The following SH2D1B variants were observed in gnomAD, a reference collection of about 807,000 sequenced individuals.
SH2D1B encodes the protein SH2 domain-containing protein 1B.
SH2D1B carries 11 observed loss-of-function variants against 16.3 expected under a neutral mutation model. That is an observed-to-expected ratio of 0.67 (90% CI 0.42 to 1.11). The LOEUF is 1.11. Ranked by LOEUF, SH2D1B falls within the 50% of genes most tolerant of loss-of-function variation. The pLI is 0.00. For synonymous variants in SH2D1B, 55 were observed against 56.1 expected (o/e 0.98, Z 0.09); for missense variants, 123 against 153.1 (o/e 0.80, Z 1.04).
In SH2D1B at chr1:162,395,559, A is replaced by G. The variant is rs1648354494; in HGVS notation, c.*1721T>C. 6.6e-6 allele frequency: 1 copy of G among 152,218 alleles called. No individual in the cohort carries two copies. The highest frequency in any genetic ancestry group is 1.5e-5 in the Non-Finnish European group (1 of 68,028). The allele number at this position is 152,218 out of a possible 1,614,324, so 9.4% of individuals were successfully genotyped here. A position where few individuals can be genotyped will look rare whatever the true frequency, so the allele number is the denominator to read the frequency against. ...GAGGCCCTAACCAATGGGTAAACAT[A>G]AAAAATAAATGAGCATAGGTATTGC... On this transcript the variant is annotated 3_prime_UTR_variant, in exon 4 of 4. Coordinates refer to ENST00000367929, the MANE Select transcript of SH2D1B (RefSeq NM_053282.5).
At chr1:162,398,518 T>C (rs972668084) in intron 3 of SH2D1B, among the ~76,000 whole-genome samples, 5 of 152,222 alleles carry the variant, frequency 3.3e-5, no homozygotes, top group African/African-American at 1.2e-4. Flanking sequence ...CACCCAGCAC[T>C]TTATAAATGA....
intron 2 of SH2D1B, 137 bp downstream of exon 2, chr1:162,402,602 A>C (rs1174763196): frequency 4.5e-6 from 3 of 668,302 alleles, no homozygotes; most frequent in Non-Finnish European, 7.9e-6. Context: ...GGTTAACTCG[A>C]TCTGACTCTC....
intron 1 of SH2D1B, 97 bp downstream of exon 1, chr1:162,411,786 G>T: frequency 1.3e-6 from 2 of 1,521,574 alleles, no homozygotes; most frequent in East Asian, 2.3e-5. Flanking sequence ...TCCAAAGTCA[G>T]AGTGAAATAC....
intron 1 of SH2D1B, among the ~76,000 whole-genome samples, chr1:162,403,672 A>T (rs1180986673): frequency 6.9e-6 from 1 of 145,826 alleles, no homozygotes; most frequent in East Asian, 2.0e-4. Context: ...GAATCAACCT[A>T]ACTTGATTAA....
At chr1:162,408,883 G>C (rs1043744066) in intron 1 of SH2D1B, among the ~76,000 whole-genome samples, 4 of 152,032 alleles carry the variant, frequency 2.6e-5, no homozygotes, top group African/African-American at 9.7e-5. Context: ...TGAGGTGGGT[G>C]GATCACTGGA....
Position 162,395,984 on chromosome 1 carries a change from G to C in SH2D1B, c.*1296C>G, listed in dbSNP as rs539885945. On this transcript the variant is annotated 3_prime_UTR_variant, in exon 4 of 4. Transcript: ENST00000367929. ...ACGTATTTATTATAAAATGTATATA[G>C]AAGAATCAAGGTCCATGAATACCTA... 6.6e-6 allele frequency: 1 copy of C among 152,274 alleles called. No homozygotes were observed. Among genetic ancestry groups the C allele is most frequent in the East Asian group, 1.9e-4 (1 of 5,180 alleles). The allele number at this position is 152,274 out of a possible 1,614,324, so 9.4% of individuals were successfully genotyped here.
intron 1 of SH2D1B, among the ~76,000 whole-genome samples, chr1:162,409,978 A>G (rs1177788933): frequency 6.6e-6 from 1 of 152,220 alleles, no homozygotes; most frequent in Non-Finnish European, 1.5e-5. Context: ...TGTGTATTCT[A>G]TTAGTAATGA....
chr1:162,409,157 T>C (rs188414363), intron 1 of SH2D1B, among the ~76,000 whole-genome samples: 3 of 150,894 alleles, frequency 2.0e-5, no homozygotes, highest in Non-Finnish European at 3.0e-5. Flanking sequence ...ATATTGACCA[T>C]ATACCCTGAG....
chr1:162,402,913 C>CT (rs554979106), intron 1 of SH2D1B, 111 bp from the exon 2 acceptor site: 36,774 of 645,664 alleles, frequency 0.057, 42 homozygotes, highest in East Asian at 0.085. Flanking sequence ...TAAAAAAACT[C>CT]TTTTTTTTTT....
rs984615690 is a variant in SH2D1B, at chr1:162,395,973, A to C, written c.*1307T>G. On this transcript the variant is annotated 3_prime_UTR_variant, in exon 4 of 4. Coordinates refer to ENST00000367929, the MANE Select transcript of SH2D1B (RefSeq NM_053282.5). The stretch of plus-strand genomic sequence containing the variant: ...TAAGCAATTTCACGTATTTATTATA[A>C]AATGTATATAGAAGAATCAAGGTCC... 2 of 152,246 alleles carry C rather than the reference A, an allele frequency of 1.3e-5. No homozygotes were observed. The highest frequency in any genetic ancestry group is 2.9e-5 in the Non-Finnish European group (2 of 68,042). 9.4% of individuals were successfully genotyped at this position (152,246 alleles called of 1,614,324 possible).
intron 1 of SH2D1B, among the ~76,000 whole-genome samples, chr1:162,403,511 A>AAAAAAAAAAT (rs1648579325): frequency 1.2e-4 from 5 of 42,034 alleles, no homozygotes; most frequent in African/African-American, 4.2e-4. Context: ...AAAAAAAAAA[A>AAAAAAAAAAT]ATATATATAT....
rs111588020 is a variant in SH2D1B, at chr1:162,402,555, G to A, written c.198+184C>T. The A allele has an allele frequency of 6.0e-4, 330 of 547,876 alleles. 5 individuals carry two copies. The highest frequency in any genetic ancestry group is 5.7e-3 in the African/African-American group (298 of 52,642). The allele number at this position is 547,876 out of a possible 1,614,324, so 33.9% of individuals were successfully genotyped here. ...CAACAACAAAAAAAGTAGAACCCAA[G>A]CCTAGAACCTTCCTATTTCTCTTCA... On this transcript the variant is annotated intron_variant, in intron 2 of 3. Transcript: ENST00000367929.
rs776575902 is a variant in SH2D1B at position 162,395,584 on chromosome 1, C to T, written c.*1696G>A. On this transcript the variant is annotated 3_prime_UTR_variant, in exon 4 of 4. Coordinates refer to ENST00000367929, the MANE Select transcript of SH2D1B (RefSeq NM_053282.5). ...AAAAAATAAATGAGCATAGGTATTGCAAGGAAAGAGAAAATAAAATGTTAT... is the reference window on the plus strand; with the variant it reads ...AAAAAATAAATGAGCATAGGTATTGTAAGGAAAGAGAAAATAAAATGTTAT... 1 of 151,888 alleles carries T rather than the reference C, an allele frequency of 6.6e-6. No individual in the cohort carries two copies. Among genetic ancestry groups the T allele is most frequent in the Non-Finnish European group, 1.5e-5 (1 of 67,968 alleles). 9.4% of individuals were successfully genotyped at this position (151,888 alleles called of 1,614,324 possible).
intron 1 of SH2D1B, among the ~76,000 whole-genome samples, chr1:162,405,763 A>G (rs1209084812): frequency 6.6e-6 from 1 of 152,248 alleles, no homozygotes; most frequent in Non-Finnish European, 1.5e-5. Context: ...TTGAGGTTCA[A>G]AAAGGCTGGA....
rs201414764 is a variant in SH2D1B, at chr1:162,397,325, GA to G, written c.364-11del. On this transcript the variant is annotated splice_polypyrimidine_tract_variant and intron_variant, in intron 3 of 3. Transcript: ENST00000367929. The stretch of plus-strand genomic sequence containing the variant: ...AATCGCTGTTACTGTTCTTTGGAGG[GA>G]AAAAAAAAGCAGAAGACCAGCCATG... 3.5e-5 allele frequency: 56 copies of G among 1,582,146 alleles called. No individual in the cohort carries two copies. The highest frequency in any genetic ancestry group is 2.1e-4 in the East Asian group (9 of 43,862).
intron 1 of SH2D1B, among the ~76,000 whole-genome samples, chr1:162,403,508 AAAAATATAT>A (rs1400612382): frequency 9.3e-4 from 19 of 20,338 alleles, no homozygotes; most frequent in South Asian, 3.6e-3. Flanking sequence ...AAAAAAAAAA[AAAAATATAT>A]ATATATATAT....
chr1:162,405,245 T>C (rs59214620), intron 1 of SH2D1B, among the ~76,000 whole-genome samples: 46,592 of 152,104 alleles, frequency 0.31, 7,241 homozygotes, highest in African/African-American at 0.33. Flanking sequence ...GAAAGCAGTT[T>C]GTGGTGGCCC....
At chr1:162,398,798 T>C (rs1433026302) in intron 3 of SH2D1B, 125 bp downstream of exon 3, 1 of 1,174,156 alleles carries the variant, frequency 8.5e-7, no homozygotes, top group African/African-American at 1.5e-5. Flanking sequence ...TTGCTCTTAG[T>C]AGGATGAAGC....
rs1371661938 is a variant in SH2D1B at position 162,395,326 on chromosome 1, A to C, written c.*1954T>G. On this transcript the variant is annotated 3_prime_UTR_variant, in exon 4 of 4. Coordinates refer to ENST00000367929, the MANE Select transcript of SH2D1B (RefSeq NM_053282.5). ...TACCTTTATAATGGAGTGAAGACAAAAGGAATGTGACTATCTCAATAGATT... is the reference window on the plus strand; with the variant it reads ...TACCTTTATAATGGAGTGAAGACAACAGGAATGTGACTATCTCAATAGATT... 1 of 152,244 alleles carries C rather than the reference A, an allele frequency of 6.6e-6. No homozygotes were observed. Among genetic ancestry groups the C allele is most frequent in the African/African-American group, 2.4e-5 (1 of 41,468 alleles). The allele number at this position is 152,244 out of a possible 1,614,324, so 9.4% of individuals were successfully genotyped here.
Sources: allele counts gnomAD v4.1 joint callset (sites outside exome capture counted in the v4.1 genomes callset), GRCh38; gene constraint gnomAD v4.1.1; transcripts MANE v1.5; gene names NCBI Gene and HGNC (gene_info 2026-07-23, HGNC 2026-07-21).